Variants in CAGE1 observed in about 807,000 individuals in gnomAD.
CAGE1 encodes the protein cancer antigen 1, also known as cancer-associated gene 1 protein.
Under a neutral mutation model 94.9 loss-of-function variants are expected in CAGE1, and 66 were observed. That is an observed-to-expected ratio of 0.70 (90% CI 0.57 to 0.85). CAGE1 has a LOEUF of 0.85. Among genes scored for constraint, CAGE1 ranks in the 40% least tolerant of loss-of-function variants. The probability of loss-of-function intolerance (pLI) is 0.00; values close to 1 mark genes in which losing one functional copy is unlikely to be tolerated. For missense variants in CAGE1, 865 were observed against 950.4 expected, an observed-to-expected ratio of 0.91 and a Z score of 1.18; for synonymous variants, 319 against 321.0, an observed-to-expected ratio of 0.99 and a Z score of 0.07.
Position 7,339,395 on chromosome 6 carries a change from A to AAC in CAGE1, c.2370-5307_2370-5306dup. The AAC allele has an allele frequency of 6.2e-7, 1 of 1,600,922 alleles. No individual in the cohort carries two copies. Among genetic ancestry groups the AAC allele is most frequent in the East Asian group, 2.2e-5 (1 of 44,826 alleles). ...GAATCCGCCGGCCCTTCTCACCAAGAACATTCTGTGTTCTGGTGGCTAAGA... is the reference window on the plus strand; with the variant it reads ...GAATCCGCCGGCCCTTCTCACCAAGAACACATTCTGTGTTCTGGTGGCTAAGA... On this transcript the variant is annotated intron_variant, in intron 11 of 13. Coordinates refer to ENST00000502583, the MANE Select transcript of CAGE1 (RefSeq NM_001170692.2). This position sits in a 1 kb window ranked among gnomAD's most constrained non-coding sequence, Gnocchi z 4.7.
chr6:7,383,459 C>A (rs1407587916), intron 3 of CAGE1, among the ~76,000 whole-genome samples: 2 of 152,190 alleles, frequency 1.3e-5, no homozygotes, highest in African/African-American at 4.8e-5. Flanking sequence ...CAAATGAACA[C>A]CCCCACTGGT....
intron 11 of CAGE1, among the ~76,000 whole-genome samples, chr6:7,340,225 G>T (rs948008307): frequency 6.6e-6 from 1 of 152,138 alleles, no homozygotes; most frequent in African/African-American, 2.4e-5. Context: ...CTTCTTTTAA[G>T]AATTGTGTAT....
At chr6:7,360,326 G>A (rs1029116872) in intron 9 of CAGE1, among the ~76,000 whole-genome samples, 4 of 152,102 alleles carry the variant, frequency 2.6e-5, no homozygotes, top group African/African-American at 9.7e-5. Context: ...GGTTACTGAG[G>A]CCCTCTATGA....
intron 11 of CAGE1, among the ~76,000 whole-genome samples, chr6:7,336,604 G>C (rs778757823): frequency 2.6e-5 from 4 of 152,118 alleles, no homozygotes; most frequent in Non-Finnish European, 4.4e-5. Flanking sequence ...CCGCCTCCCT[G>C]GTTCAAGTGA....
At chr6:7,327,884 T>C (rs2113330541) in intron 13 of CAGE1, among the ~76,000 whole-genome samples, 1 of 152,098 alleles carries the variant, frequency 6.6e-6, no homozygotes, top group East Asian at 1.9e-4. Context: ...GAGCCGAGAT[T>C]GCGCCATTGC....
intron 11 of CAGE1, among the ~76,000 whole-genome samples, chr6:7,347,161 C>G (rs1759578899): frequency 6.6e-6 from 1 of 152,048 alleles, no homozygotes; most frequent in South Asian, 2.1e-4. Context: ...TGAATTTTAG[C>G]TCCAGAATGA....
intron 7 of CAGE1, among the ~76,000 whole-genome samples, chr6:7,368,184 C>T (rs1334215438): frequency 7.1e-6 from 1 of 141,674 alleles, no homozygotes; most frequent in Non-Finnish European, 1.5e-5. Context: ...ACCTGGGAGG[C>T]GGAGGCTGCA....
At chr6:7,328,932 A>ATTTTTTTT (rs556084338) in intron 13 of CAGE1, among the ~76,000 whole-genome samples, 2 of 103,590 alleles carry the variant, frequency 1.9e-5, no homozygotes, top group African/African-American at 6.9e-5. Flanking sequence ...ATATATATAT[A>ATTTTTTTT]TATTTTTTTT....
chr6:7,349,635 T>C (rs4960305), intron 11 of CAGE1, among the ~76,000 whole-genome samples: 16,790 of 152,190 alleles, frequency 0.11, 1,231 homozygotes, highest in East Asian at 0.3. Flanking sequence ...AACTGCAGAA[T>C]GGATAAGAAC....
rs1209893815 is a variant in CAGE1, at chr6:7,385,254, C to T, written c.283+531G>A. On this transcript the variant is annotated intron_variant, in intron 3 of 13. Coordinates refer to ENST00000502583, the MANE Select transcript of CAGE1 (RefSeq NM_001170692.2). The stretch of plus-strand genomic sequence containing the variant: ...TCCCGACCTCAGGTGATCCACTTGC[C>T]TCAGCCTCCCAAAGTGCTGGGATTA... 3.9e-5 allele frequency among the ~76,000 whole-genome samples: 6 copies of T among 151,980 alleles called. No homozygotes were observed. In the East Asian group the frequency reaches 1.2e-3, roughly 29 times the overall value.
At chr6:7,384,502 G>T (rs6908518) in intron 3 of CAGE1, among the ~76,000 whole-genome samples, 2 of 151,034 alleles carry the variant, frequency 1.3e-5, no homozygotes, top group Non-Finnish European at 3.0e-5. Flanking sequence ...TGTGGTGGCT[G>T]ATACCTGTAA....
rs140109890 is a variant in CAGE1, at chr6:7,372,958, T to C, written c.1746+115A>G. On this transcript the variant is annotated intron_variant, in intron 5 of 13. Coordinates refer to ENST00000502583, the MANE Select transcript of CAGE1 (RefSeq NM_001170692.2). ...CTCCCAAAGTGCCGAGATCTGTTTCTTTCTTTAATAATTCTTTCTGCAAAC... is the reference window on the plus strand; with the variant it reads ...CTCCCAAAGTGCCGAGATCTGTTTCCTTCTTTAATAATTCTTTCTGCAAAC... 7.3e-4 allele frequency: 595 copies of C among 814,840 alleles called. 4 individuals are homozygous for C. In the African/African-American group the frequency reaches 9.2e-3, roughly 13 times the overall value. 50.5% of individuals were successfully genotyped at this position (814,840 alleles called of 1,614,324 possible).
At position 7,373,984 on chromosome 6, in the gene CAGE1, C is replaced by T. The variant is rs1169929170; in HGVS notation, c.835G>A (p.Ala279Thr). The change falls in exon 5 of 14, where the codon GCA becomes ACA. Residue 279 changes from alanine (A) to threonine (T), a missense_variant. Ala to Thr is a moderately conservative substitution (Grantham distance 58). Coordinates refer to ENST00000502583, the MANE Select transcript of CAGE1 (RefSeq NM_001170692.2). ...SSAGISWRSE[A>T]CRENCEMPDW... ...GGCATCTCACAGTTCTCCCGACATG[C>T]TTCACTCCTCCAGGAAATGCCTGCC... 2.5e-6 allele frequency: 4 copies of T among 1,614,048 alleles called. No homozygotes were observed. The highest frequency in any genetic ancestry group is 2.5e-6 in the Non-Finnish European group (3 of 1,179,890).
At chr6:7,342,088 T>C in intron 11 of CAGE1, 1 of 930,402 alleles carries the variant, frequency 1.1e-6, no homozygotes, top group Non-Finnish European at 1.8e-6. Context: ...GACAGAGATG[T>C]CAATCCCACA....
At chr6:7,359,220 A>AT (rs1760087494) in intron 9 of CAGE1, among the ~76,000 whole-genome samples, 1 of 151,826 alleles carries the variant, frequency 6.6e-6, no homozygotes, top group Non-Finnish European at 1.5e-5. Flanking sequence ...CTAATTTTGT[A>AT]TTTTTTAGTA....
intron 11 of CAGE1, among the ~76,000 whole-genome samples, chr6:7,345,297 T>TA (rs2113379993): frequency 6.6e-6 from 1 of 152,260 alleles, no homozygotes; most frequent in South Asian, 2.1e-4. Flanking sequence ...GTTAAAGGTT[T>TA]GCAGTTTTAT....
intron 11 of CAGE1, among the ~76,000 whole-genome samples, chr6:7,343,114 G>A (rs966754376): frequency 4.6e-5 from 7 of 151,408 alleles, no homozygotes; most frequent in Non-Finnish European, 8.8e-5. Context: ...GCTTGAACCC[G>A]GGAGGTGGAG....
chr6:7,344,309 G>A (rs552585725), intron 11 of CAGE1, among the ~76,000 whole-genome samples: 2 of 152,322 alleles, frequency 1.3e-5, no homozygotes, highest in South Asian at 2.1e-4. Context: ...TCCCGCACTC[G>A]GAGCAGCCAG....
At chr6:7,379,105 A>G in intron 3 of CAGE1, 85 bp from the exon 4 acceptor site, 2 of 810,836 alleles carry the variant, frequency 2.5e-6, no homozygotes, top group Non-Finnish European at 3.7e-6. Context: ...TATCAAATAA[A>G]CTGCTGTAGC....
Sources: allele counts gnomAD v4.1 joint callset (sites outside exome capture counted in the v4.1 genomes callset), GRCh38; gene constraint gnomAD v4.1.1; non-coding constraint Gnocchi (gnomAD v3.1); transcripts MANE v1.5; gene names NCBI Gene and HGNC (gene_info 2026-07-23, HGNC 2026-07-21).